SLIT3: variants seen among roughly 807,000 people sequenced by gnomAD.
The protein encoded by SLIT3 is slit homolog 3 protein.
SLIT3 carries 68 observed loss-of-function variants against 184.0 expected under a neutral mutation model. The ratio of observed to expected loss-of-function variants is 0.37; its 90% CI spans 0.30 to 0.45. The LOEUF (loss-of-function observed/expected upper bound fraction) is 0.45. Among genes scored for constraint, SLIT3 ranks in the 20% least tolerant of loss-of-function variants. The pLI, the probability that SLIT3 is intolerant of heterozygous loss-of-function variation, is 1.00. For missense variants in SLIT3, 1,707 were observed against 2,026.0 expected (o/e 0.84, Z 3.02); for synonymous variants, 831 against 828.6 (o/e 1.00, Z -0.05).
intron 4 of SLIT3, among the ~76,000 whole-genome samples, chr5:169,090,952 C>G (rs548831201): frequency 2.6e-5 from 4 of 152,280 alleles, no homozygotes; most frequent in East Asian, 3.9e-4. Flanking sequence ...ATCGTATTCC[C>G]AAAACAGCAT....
At chr5:168,821,001 C>A (rs564420525) in intron 7 of SLIT3, among the ~76,000 whole-genome samples, 27 of 152,258 alleles carry the variant, frequency 1.8e-4, no homozygotes, top group Admixed American at 3.9e-4. Context: ...GGGGATTAGT[C>A]AGCTCAAGTC....
intron 4 of SLIT3, among the ~76,000 whole-genome samples, chr5:169,137,946 C>G (rs1243988029): frequency 1.3e-5 from 2 of 152,134 alleles, no homozygotes; most frequent in Non-Finnish European, 2.9e-5. Flanking sequence ...CTAGATCTCA[C>G]CTGGCCCCTG....
intron 18 of SLIT3, among the ~76,000 whole-genome samples, chr5:168,750,886 A>AAT (rs1170822679): frequency 4.6e-5 from 7 of 152,144 alleles, no homozygotes; most frequent in Non-Finnish European, 8.8e-5. Context: ...GTGGGCAGAT[A>AAT]ATATATGATT....
chr5:168,856,670 T>C (rs914798403), intron 5 of SLIT3, among the ~76,000 whole-genome samples: 9 of 152,108 alleles, frequency 5.9e-5, no homozygotes, highest in Non-Finnish European at 8.8e-5. Flanking sequence ...CACTGTTTTG[T>C]ATTTTCCACA....
At chr5:168,700,778 C>A in intron 26 of SLIT3, 99 bp from the exon 27 acceptor site, 1 of 862,654 alleles carries the variant, frequency 1.2e-6, no homozygotes. Context: ...TGTGATGAGG[C>A]TGGGGAGATG....
intron 25 of SLIT3, chr5:168,709,934 G>T (rs1762499933): frequency 6.6e-6 from 1 of 151,960 alleles, no homozygotes; most frequent in Non-Finnish European, 1.5e-5. Context: ...AATGTAAATT[G>T]GTTATAACCC....
intron 3 of SLIT3, among the ~76,000 whole-genome samples, chr5:169,197,329 C>T (rs1763772060): frequency 6.6e-6 from 1 of 152,058 alleles, no homozygotes; most frequent in African/African-American, 2.4e-5. Flanking sequence ...GAGCTAGATA[C>T]TGTATTTCCA....
intron 4 of SLIT3, among the ~76,000 whole-genome samples, chr5:169,064,291 C>T (rs777202154): frequency 7.2e-5 from 11 of 152,182 alleles, no homozygotes; most frequent in African/African-American, 9.7e-5. Flanking sequence ...TTCTTGGCTC[C>T]GAGCCACTGC....
intron 12 of SLIT3, among the ~76,000 whole-genome samples, chr5:168,775,759 G>T (rs1002384981): frequency 2.0e-5 from 3 of 152,064 alleles, no homozygotes; most frequent in African/African-American, 7.2e-5. Context: ...TCCAGGGTCA[G>T]CCTTCCTATC....
intron 28 of SLIT3, among the ~76,000 whole-genome samples, chr5:168,694,766 C>T (rs1379781925): frequency 6.6e-6 from 1 of 152,100 alleles, no homozygotes; most frequent in Non-Finnish European, 1.5e-5. Flanking sequence ...TTACAGGTGC[C>T]CACCACCATG....
At chr5:168,735,960 T>C (rs1454617471) in intron 20 of SLIT3, among the ~76,000 whole-genome samples, 1 of 152,146 alleles carries the variant, frequency 6.6e-6, no homozygotes, top group Non-Finnish European at 1.5e-5. Flanking sequence ...GCCTTCTTGG[T>C]TTCTTGAATT....
chr5:168,870,861 A>G (rs1457250594), intron 5 of SLIT3, among the ~76,000 whole-genome samples: 3 of 152,196 alleles, frequency 2.0e-5, no homozygotes, highest in African/African-American at 7.2e-5. Flanking sequence ...ACAAGGTGAA[A>G]TTCACTGATT....
intron 26 of SLIT3, among the ~76,000 whole-genome samples, chr5:168,704,801 T>G (rs1762329018): frequency 6.6e-6 from 1 of 152,092 alleles, no homozygotes; most frequent in Non-Finnish European, 1.5e-5. Flanking sequence ...TGGAAAGAGG[T>G]AAATGCCTGA....
At chr5:168,763,561 T>A (rs1450635125) in intron 14 of SLIT3, among the ~76,000 whole-genome samples, 1 of 152,260 alleles carries the variant, frequency 6.6e-6, no homozygotes, top group South Asian at 2.1e-4. Context: ...TTTGCTTTTT[T>A]GAAAAGCAAA....
At chr5:169,090,468 G>T (rs966747125) in intron 4 of SLIT3, among the ~76,000 whole-genome samples, 2 of 152,146 alleles carry the variant, frequency 1.3e-5, no homozygotes, top group African/African-American at 4.8e-5. Flanking sequence ...TGGGTTTGAG[G>T]CAAACAGGGC....
rs548073072 is a variant in SLIT3, at chr5:168,835,609, G to C, written c.557+8975C>G. On this transcript the variant is annotated intron_variant, in intron 6 of 35. Transcript: ENST00000519560. The stretch of plus-strand genomic sequence containing the variant: ...AGATCACTTGAGGTCAGGAGTTCGA[G>C]ACCAGACTGGCCAACGTGGTGAAAC... 1.2e-3 allele frequency among the ~76,000 whole-genome samples: 180 copies of C among 152,130 alleles called. 1 individual carries two copies. The highest frequency in any genetic ancestry group is 4.1e-3 in the African/African-American group (170 of 41,482).
chr5:168,690,223 G>A (rs756383982), intron 29 of SLIT3, among the ~76,000 whole-genome samples: 14 of 150,350 alleles, frequency 9.3e-5, no homozygotes, highest in Admixed American at 2.7e-4. Context: ...TGCAACCTCC[G>A]CCTCCTGGGT....
At chr5:169,117,410 G>A (rs770863574) in intron 4 of SLIT3, among the ~76,000 whole-genome samples, 18 of 148,432 alleles carry the variant, frequency 1.2e-4, no homozygotes, top group South Asian at 8.6e-4. Flanking sequence ...GTTCTCCCCC[G>A]TCCCCTCCCT....
chr5:168,712,278 C>T lies in SLIT3; in HGVS notation c.2555+5G>A, dbSNP rs750267657. 3 of 1,612,392 alleles carry T rather than the reference C, an allele frequency of 1.9e-6. No individual in the cohort carries two copies. The highest frequency in any genetic ancestry group is 2.5e-6 in the Non-Finnish European group (3 of 1,178,474). ...TGTTCATTGGGGAGAAACACTGCTA[C>T]TTACAGATGGGAAAGAGATGTGAGG... On this transcript the variant is annotated splice_donor_5th_base_variant and intron_variant, in intron 24 of 35. Coordinates refer to ENST00000519560, the MANE Select transcript of SLIT3 (RefSeq NM_003062.4).
Sources: allele counts gnomAD v4.1 joint callset (sites outside exome capture counted in the v4.1 genomes callset), GRCh38; gene constraint gnomAD v4.1.1; transcripts MANE v1.5; gene names NCBI Gene and HGNC (gene_info 2026-07-23, HGNC 2026-07-21).